Variants in EMP2 observed in about 807,000 individuals in gnomAD.
EMP2 encodes the protein epithelial membrane protein 2.
In EMP2, 19 loss-of-function variants were observed where a neutral mutation model predicts 13.7. The ratio of observed to expected loss-of-function variants is 1.38; its 90% confidence interval spans 0.97 to 2.03. The LOEUF is 2.03. Among genes scored for constraint, EMP2 ranks in the 30% most tolerant of loss-of-function variants. EMP2 has a pLI of 0.00. For missense variants in EMP2, 253 were observed against 220.7 expected, an observed-to-expected ratio of 1.15 and a Z score of -0.93; for synonymous variants, 97 against 84.7, an observed-to-expected ratio of 1.15 and a Z score of -0.80.
chr16:10,535,323 G>A (rs1452165950), intron 4 of EMP2, among the ~76,000 whole-genome samples: 2 of 151,996 alleles, frequency 1.3e-5, no homozygotes, highest in Middle Eastern at 3.4e-3. Context: ...AAATACGGGG[G>A]AATTTTCATA....
At chr16:10,537,798 ACACAG>A in intron 4 of EMP2, 125 bp downstream of exon 4, 1 of 1,181,654 alleles carries the variant, frequency 8.5e-7, no homozygotes, top group Non-Finnish European at 1.2e-6. Context: ...ACACACCGGC[ACACAG>A]CACCGCGCGG....
intron 1 of EMP2, among the ~76,000 whole-genome samples, chr16:10,568,742 A>T (rs1303541744): frequency 6.6e-6 from 1 of 150,500 alleles, no homozygotes; most frequent in Non-Finnish European, 1.5e-5. Context: ...GTTACCTAGA[A>T]GCAAAGGGAG....
intron 1 of EMP2, among the ~76,000 whole-genome samples, chr16:10,569,547 T>C (rs2050932555): frequency 6.6e-6 from 1 of 152,138 alleles, no homozygotes; most frequent in African/African-American, 2.4e-5. Flanking sequence ...CTTGAACTCC[T>C]GGGCTCAAGT....
chr16:10,562,592 G>C (rs1203572720), intron 1 of EMP2, among the ~76,000 whole-genome samples: 2 of 152,118 alleles, frequency 1.3e-5, no homozygotes, highest in Non-Finnish European at 2.9e-5. Context: ...ACCCAGCTGA[G>C]CTCAGCCCAA....
At chr16:10,552,119 CT>C (rs35463309) in intron 1 of EMP2, among the ~76,000 whole-genome samples, 4,474 of 108,054 alleles carry the variant, frequency 0.041, 87 homozygotes, top group East Asian at 0.11. Flanking sequence ...GATGCATTCC[CT>C]TTTTTTTTTT....
chr16:10,565,368 A>G (rs1312849143), intron 1 of EMP2, among the ~76,000 whole-genome samples: 2 of 152,154 alleles, frequency 1.3e-5, no homozygotes, highest in Non-Finnish European at 2.9e-5. Context: ...GCCTCATCCA[A>G]TCAGTTGAAG....
chr16:10,529,011 G>A lies in EMP2; in HGVS notation c.*3894C>T, dbSNP rs964157490. The stretch of plus-strand genomic sequence containing the variant: ...GAGTGAATAGGTCTCCGATGTTCCT[G>A]TATTCAGGTATATATATATACACAT... On this transcript the variant is annotated 3_prime_UTR_variant, in exon 5 of 5. Coordinates refer to ENST00000359543, the MANE Select transcript of EMP2 (RefSeq NM_001424.6). The A allele has an allele frequency of 2.0e-5, 3 of 149,950 alleles. No homozygotes were observed. The highest frequency in any genetic ancestry group is 7.4e-5 in the African/African-American group (3 of 40,526). 9.3% of individuals were successfully genotyped at this position (149,950 alleles called of 1,614,324 possible).
chr16:10,554,326 C>T (rs2050811438), intron 1 of EMP2, among the ~76,000 whole-genome samples: 1 of 152,180 alleles, frequency 6.6e-6, no homozygotes, highest in African/African-American at 2.4e-5. Flanking sequence ...GCCACCGTGC[C>T]CGACCAAGCA....
chr16:10,573,347 T>C (rs899178811), intron 1 of EMP2, among the ~76,000 whole-genome samples: 8 of 152,176 alleles, frequency 5.3e-5, no homozygotes, highest in Non-Finnish European at 7.3e-5. Flanking sequence ...CCACCACACC[T>C]GGCCACGGTT....
chr16:10,547,523 C>T lies in EMP2; in HGVS notation c.78+17G>A. 1.2e-6 allele frequency: 2 copies of T among 1,613,566 alleles called. No homozygotes were observed. Among genetic ancestry groups the T allele is most frequent in the Non-Finnish European group, 1.7e-6 (2 of 1,179,858 alleles). ...AGGACCCAGGTTTCTGCGTGAGTGG[C>T]AGGAAAGGAAACTTACATTGTCGAC... On this transcript the variant is annotated intron_variant, in intron 2 of 4. Transcript: ENST00000359543.
At chr16:10,550,161 C>T (rs1223119816) in intron 1 of EMP2, among the ~76,000 whole-genome samples, 2 of 152,184 alleles carry the variant, frequency 1.3e-5, no homozygotes, top group Non-Finnish European at 2.9e-5. Flanking sequence ...GCTGGGATTA[C>T]AGGCGTGAGC....
chr16:10,540,547 T>G (rs1436785271), intron 3 of EMP2, among the ~76,000 whole-genome samples: 1 of 151,980 alleles, frequency 6.6e-6, no homozygotes, highest in Non-Finnish European at 1.5e-5. Flanking sequence ...AATAGATTTC[T>G]CTAAGGACCT....
intron 1 of EMP2, among the ~76,000 whole-genome samples, chr16:10,549,719 A>G (rs1272855614): frequency 6.0e-5 from 5 of 82,882 alleles, no homozygotes; most frequent in South Asian, 5.5e-4. Flanking sequence ...ATGCACGCAC[A>G]CACACACACT....
chr16:10,564,309 G>A (rs910010411), intron 1 of EMP2, among the ~76,000 whole-genome samples: 1 of 151,976 alleles, frequency 6.6e-6, no homozygotes. Flanking sequence ...TGGCCAACAT[G>A]GTGAAACCCT....
At chr16:10,545,328 T>C (rs1025895533) in intron 2 of EMP2, 3 of 152,186 alleles carry the variant, frequency 2.0e-5, no homozygotes, top group Non-Finnish European at 4.4e-5. Context: ...AATACTATAA[T>C]CTAGGACTCC....
chr16:10,549,715 G>GCGCA (rs879352910), intron 1 of EMP2, among the ~76,000 whole-genome samples: 1 of 80,678 alleles, frequency 1.2e-5, no homozygotes, highest in African/African-American at 6.2e-5. Context: ...ATTAATGCAC[G>GCGCA]CACACACACA....
chr16:10,562,104 A>G (rs904196362), intron 1 of EMP2, among the ~76,000 whole-genome samples: 2 of 152,214 alleles, frequency 1.3e-5, no homozygotes, highest in African/African-American at 2.4e-5. Context: ...AAAACCAGAC[A>G]AAGACATTAC....
chr16:10,534,322 G>A (rs563754675), intron 4 of EMP2, among the ~76,000 whole-genome samples: 129 of 152,330 alleles, frequency 8.5e-4, no homozygotes, highest in Middle Eastern at 3.4e-3. Flanking sequence ...ATGAGCGGAA[G>A]TGCTTGACGC....
intron 1 of EMP2, among the ~76,000 whole-genome samples, chr16:10,553,194 C>A (rs978877623): frequency 2.6e-5 from 4 of 152,216 alleles, no homozygotes; most frequent in Admixed American, 1.3e-4. Flanking sequence ...CATCTCTATA[C>A]CAAAATAAGT....
Sources: gnomAD v4.1 joint callset for allele counts (sites outside exome capture counted in the v4.1 genomes callset) on GRCh38, gnomAD v4.1.1 for gene constraint, MANE v1.5 for transcripts, NCBI Gene and HGNC (gene_info 2026-07-23, HGNC 2026-07-21) for gene names.